The following CADPS variants were observed in gnomAD, a reference collection of about 807,000 sequenced individuals.
CADPS encodes the protein calcium dependent secretion activator, also known as calcium-dependent secretion activator 1.
A neutral mutation model predicts 167.3 loss-of-function variants in CADPS; 57 were observed. The ratio of observed to expected loss-of-function variants is 0.34; its 90% CI spans 0.28 to 0.42. The LOEUF (loss-of-function observed/expected upper bound fraction) is 0.42. Among genes scored for constraint, CADPS ranks in the 20% least tolerant of loss-of-function variants. The pLI is 1.00. For missense variants in CADPS, 1,414 were observed against 1,738.1 expected (o/e 0.81, Z 3.32); for synonymous variants, 676 against 635.3 (o/e 1.06, Z -0.96).
chr3:62,774,121 T>C (rs538568584), intron 1 of CADPS, among the ~76,000 whole-genome samples: 12 of 151,620 alleles, frequency 7.9e-5, no homozygotes, highest in Admixed American at 6.6e-4. Flanking sequence ...AGAAGGTGAG[T>C]TGGGGCTAAA....
At chr3:62,633,865 G>A (rs1022524799) in intron 6 of CADPS, among the ~76,000 whole-genome samples, 4 of 151,954 alleles carry the variant, frequency 2.6e-5, no homozygotes, top group Admixed American at 2.0e-4. Context: ...AAGAACAATC[G>A]AAATTAACAC....
chr3:62,513,850 G>C (rs1242056825), intron 16 of CADPS: 1 of 592,498 alleles, frequency 1.7e-6, no homozygotes, highest in Non-Finnish European at 3.0e-6. Context: ...AAAGAAAAAG[G>C]AGCTTCAAAA....
In CADPS at chr3:62,549,970, G is replaced by A. The variant is rs1308174819; in HGVS notation, c.1899C>T (p.Thr633=). 6.2e-7 allele frequency: 1 copy of A among 1,614,058 alleles called. No homozygotes were observed. The highest frequency in any genetic ancestry group is 2.2e-5 in the East Asian group (1 of 44,866). Residue 633 remains threonine (T), a synonymous_variant, in exon 11 of 30, where the codon ACC becomes ACT. Transcript: ENST00000383710. The part of the protein sequence containing the change: ...TGQSHKPVPP[T]QVQKLNAKGG... ...CCTTGGCGTTGAGTTTCTGGACTTG[G>A]GTCGGGGGCACAGGCTTGTGTGACT...
intron 8 of CADPS, among the ~76,000 whole-genome samples, chr3:62,583,377 AT>A: frequency 6.6e-6 from 1 of 152,320 alleles, no homozygotes; most frequent in East Asian, 1.9e-4. Flanking sequence ...TTAGGGAGAA[AT>A]TCCACGAATA....
At chr3:62,574,266 G>A (rs918971237) in intron 8 of CADPS, among the ~76,000 whole-genome samples, 1 of 152,148 alleles carries the variant, frequency 6.6e-6, no homozygotes, top group Admixed American at 6.5e-5. Flanking sequence ...TTCTAAATAT[G>A]AATGGGAAAC....
intron 4 of CADPS, among the ~76,000 whole-genome samples, chr3:62,656,700 G>T (rs543019201): frequency 3.9e-5 from 6 of 152,292 alleles, no homozygotes; most frequent in Non-Finnish European, 8.8e-5. Context: ...TAATGAGGAT[G>T]GGGTCAGCAG....
intron 1 of CADPS, among the ~76,000 whole-genome samples, chr3:62,769,390 G>C (rs115689627): frequency 0.023 from 3,472 of 151,914 alleles, 63 homozygotes; most frequent in South Asian, 0.06. Context: ...TGCCTCTACA[G>C]CTGGCTAATT....
At chr3:62,778,951 C>T (rs2090980383) in intron 1 of CADPS, among the ~76,000 whole-genome samples, 1 of 151,508 alleles carries the variant, frequency 6.6e-6, no homozygotes, top group Non-Finnish European at 1.5e-5. Context: ...CACCCAGTGG[C>T]ACGATCTCAG....
rs149284709 is a variant in CADPS at position 62,455,373 on chromosome 3, C to T, written c.3637-9576G>A. Among the ~76,000 whole-genome samples the T allele has an allele frequency of 1.8e-3, 272 of 152,160 alleles. No homozygotes were observed. The highest frequency in any genetic ancestry group is 6.1e-3 in the African/African-American group (255 of 41,516). On this transcript the variant is annotated intron_variant, in intron 26 of 29. Transcript: ENST00000383710. This position sits in a 1 kb window ranked among gnomAD's most constrained non-coding sequence, Gnocchi z 4.4. ...AGGAATTCACCCTCACAATGGTGGGCGTGAAATTCTCATTGCTTACAGATG... is the reference window on the plus strand; with the variant it reads ...AGGAATTCACCCTCACAATGGTGGGTGTGAAATTCTCATTGCTTACAGATG...
At chr3:62,643,000 G>A (rs1167325407) in intron 6 of CADPS, among the ~76,000 whole-genome samples, 1 of 151,944 alleles carries the variant, frequency 6.6e-6, no homozygotes. Context: ...ACCACTTGGA[G>A]GTAGAGAAAA....
At chr3:62,842,610 G>T (rs982045825) in intron 1 of CADPS, among the ~76,000 whole-genome samples, 6 of 152,148 alleles carry the variant, frequency 3.9e-5, no homozygotes, top group African/African-American at 1.4e-4. Flanking sequence ...ACATTGCCTT[G>T]ATCATCTCAT....
rs959314062 is a variant in CADPS, at chr3:62,586,509, G to GA, written c.1438-1186dup. Among the ~76,000 whole-genome samples the GA allele has an allele frequency of 6.6e-5, 10 of 151,580 alleles. No homozygotes were observed. The East Asian group carries it at 1.2e-3, about 18-fold the overall frequency. On this transcript the variant is annotated intron_variant, in intron 7 of 29. Coordinates refer to ENST00000383710, the MANE Select transcript of CADPS (RefSeq NM_003716.4). The stretch of plus-strand genomic sequence containing the variant: ...AGAGGAGGAGGAGGAGGCCATGGCA[G>GA]AAAAAAAAATCAGCCCACTTAGATG...
At chr3:62,860,894 T>A (rs1307484940) in intron 1 of CADPS, among the ~76,000 whole-genome samples, 1 of 152,170 alleles carries the variant, frequency 6.6e-6, no homozygotes, top group Admixed American at 6.5e-5. Context: ...GCTTGAACGT[T>A]CCTTATTCTC....
chr3:62,532,403 GT>G (rs1413660514), intron 13 of CADPS, among the ~76,000 whole-genome samples: 2 of 152,156 alleles, frequency 1.3e-5, no homozygotes, highest in African/African-American at 4.8e-5. Context: ...CACTAAGGAA[GT>G]AATTATTAAG....
At chr3:62,787,793 T>G (rs1394912390) in intron 1 of CADPS, among the ~76,000 whole-genome samples, 1 of 152,340 alleles carries the variant, frequency 6.6e-6, no homozygotes, top group East Asian at 1.9e-4. Context: ...TAATAGTAAC[T>G]GCATGACTAT....
intron 28 of CADPS, among the ~76,000 whole-genome samples, chr3:62,423,692 C>A (rs1321892031): frequency 6.6e-6 from 1 of 152,152 alleles, no homozygotes; most frequent in African/African-American, 2.4e-5. Context: ...ACAAGGAGAT[C>A]ATGAAAATTA....
At chr3:62,827,712 A>G (rs373501722) in intron 1 of CADPS, among the ~76,000 whole-genome samples, 1 of 152,188 alleles carries the variant, frequency 6.6e-6, no homozygotes. Flanking sequence ...GAAGCCCTTA[A>G]TGAATCAAAA....
At chr3:62,565,534 A>G (rs967604207) in intron 9 of CADPS, among the ~76,000 whole-genome samples, 1 of 152,168 alleles carries the variant, frequency 6.6e-6, no homozygotes, top group Non-Finnish European at 1.5e-5. Flanking sequence ...GACTTACTGT[A>G]TCAGAGTCTT....
intron 6 of CADPS, among the ~76,000 whole-genome samples, chr3:62,600,705 C>T (rs966515129): frequency 1.3e-5 from 2 of 152,186 alleles, no homozygotes; most frequent in Non-Finnish European, 2.9e-5. Context: ...GTAAGTTTTG[C>T]CCCCATGGAT....
Sources: allele counts gnomAD v4.1 joint callset (sites outside exome capture counted in the v4.1 genomes callset), GRCh38; gene constraint gnomAD v4.1.1; non-coding constraint Gnocchi (gnomAD v3.1); transcripts MANE v1.5; gene names NCBI Gene and HGNC (gene_info 2026-07-23, HGNC 2026-07-21).